The following GRID2 variants were observed in gnomAD, a reference collection of about 807,000 sequenced individuals.
GRID2 encodes glutamate ionotropic receptor delta type subunit 2.
In GRID2, 33 loss-of-function variants were observed where a neutral mutation model predicts 114.8. The observed-to-expected ratio is 0.29, with a 90% CI of 0.22 to 0.38. The LOEUF (loss-of-function observed/expected upper bound fraction) is 0.38, where lower values mean the gene tolerates loss of function less well. Among genes scored for constraint, GRID2 ranks in the 10% least tolerant of loss-of-function variants. GRID2 has a pLI of 1.00. For missense variants in GRID2, 1,184 were observed against 1,257.7 expected, an observed-to-expected ratio of 0.94 and a Z score of 0.89; for synonymous variants, 505 against 449.9, an observed-to-expected ratio of 1.12 and a Z score of -1.55.
chr4:93,220,393 A>G (rs1744735995), intron 6 of GRID2, among the ~76,000 whole-genome samples: 1 of 152,160 alleles, frequency 6.6e-6, no homozygotes, highest in Non-Finnish European at 1.5e-5. Context: ...CATTTTCACC[A>G]AAGGGTTCCT....
chr4:93,311,677 G>A (rs901939784), intron 8 of GRID2, among the ~76,000 whole-genome samples: 3 of 152,146 alleles, frequency 2.0e-5, no homozygotes, highest in Non-Finnish European at 2.9e-5. Context: ...GTTGGCAGAC[G>A]AGCATTCAGT....
intron 9 of GRID2, among the ~76,000 whole-genome samples, chr4:93,412,086 A>G (rs563186522): frequency 5.9e-5 from 9 of 151,992 alleles, no homozygotes; most frequent in African/African-American, 1.9e-4. Context: ...TGACAGCCCA[A>G]TGTGCTGTGC....
chr4:92,794,871 GTT>G (rs1276614385), intron 2 of GRID2, among the ~76,000 whole-genome samples: 37 of 69,770 alleles, frequency 5.3e-4, no homozygotes, highest in South Asian at 1.4e-3. Flanking sequence ...ATAAATAATT[GTT>G]TTATATATAT....
chr4:93,512,933 A>G (rs1309762586), intron 12 of GRID2, among the ~76,000 whole-genome samples: 1 of 152,160 alleles, frequency 6.6e-6, no homozygotes, highest in Non-Finnish European at 1.5e-5. Flanking sequence ...GCACTAATTT[A>G]TTTAGCAGCA....
rs541724969 is a variant in GRID2, at chr4:93,728,398, A to T, written c.2361-40812A>T. On this transcript the variant is annotated intron_variant, in intron 14 of 15. Coordinates refer to ENST00000282020, the MANE Select transcript of GRID2 (RefSeq NM_001510.4). ...TTTTATATTTGCTGAGGAGTGCTTT[A>T]CTTCCAACTATGTGGTCAATTTTGG... Among the ~76,000 whole-genome samples, 11 of 152,246 alleles carry T rather than the reference A, an allele frequency of 7.2e-5. No homozygotes were observed. In the South Asian group the frequency reaches 1.9e-3, roughly 26 times the overall value.
intron 2 of GRID2, among the ~76,000 whole-genome samples, chr4:92,591,789 A>G (rs1728716664): frequency 6.6e-6 from 1 of 152,136 alleles, no homozygotes; most frequent in Non-Finnish European, 1.5e-5. Context: ...GGAGTAAAAA[A>G]TCATTATTTT....
chr4:92,391,853 ACT>A (rs1730253548), intron 1 of GRID2, among the ~76,000 whole-genome samples: 2 of 151,944 alleles, frequency 1.3e-5, no homozygotes, highest in South Asian at 4.1e-4. Context: ...AGACTAGCTC[ACT>A]CTCTCCCATT....
intron 8 of GRID2, among the ~76,000 whole-genome samples, chr4:93,328,985 A>C (rs961029795): frequency 7.9e-5 from 12 of 152,184 alleles, no homozygotes; most frequent in African/African-American, 2.9e-4. Context: ...CTGCAGTTTT[A>C]GTACCTACTA....
At chr4:93,003,832 A>T (rs1721244107) in intron 2 of GRID2, among the ~76,000 whole-genome samples, 1 of 152,006 alleles carries the variant, frequency 6.6e-6, no homozygotes, top group South Asian at 2.1e-4. Flanking sequence ...ATCTTCAGCA[A>T]CTAGTGGGCC....
At chr4:93,009,776 C>T (rs1300689488) in intron 2 of GRID2, among the ~76,000 whole-genome samples, 3 of 152,054 alleles carry the variant, frequency 2.0e-5, no homozygotes, top group Admixed American at 2.0e-4. Context: ...GCATTCTACT[C>T]TCTCTTCTAA....
intron 2 of GRID2, among the ~76,000 whole-genome samples, chr4:92,730,093 A>G (rs1736260829): frequency 6.6e-6 from 1 of 151,992 alleles, no homozygotes; most frequent in Non-Finnish European, 1.5e-5. Context: ...TTTAAGACAA[A>G]ATAATTATAT....
At chr4:93,752,145 A>T (rs554228745) in intron 14 of GRID2, among the ~76,000 whole-genome samples, 100 of 152,252 alleles carry the variant, frequency 6.6e-4, no homozygotes, top group Non-Finnish European at 1.1e-3. Context: ...CTTTATAATG[A>T]TTATAACAAT....
chr4:92,986,215 T>C (rs1378520901), intron 2 of GRID2, among the ~76,000 whole-genome samples: 1 of 152,170 alleles, frequency 6.6e-6, no homozygotes, highest in South Asian at 2.1e-4. Context: ...TGAAGAAGGA[T>C]GGACTATATT....
chr4:92,573,261 A>AT (rs1195325266), intron 1 of GRID2, among the ~76,000 whole-genome samples: 1 of 151,910 alleles, frequency 6.6e-6, no homozygotes, highest in Non-Finnish European at 1.5e-5. Flanking sequence ...TTTTTCAAAA[A>AT]AACAGCTTCT....
chr4:93,493,843 T>A (rs986552681), intron 12 of GRID2, among the ~76,000 whole-genome samples: 8 of 151,814 alleles, frequency 5.3e-5, no homozygotes, highest in Non-Finnish European at 1.2e-4. Context: ...TTCATTTTTT[T>A]AAAAAATCAT....
intron 1 of GRID2, among the ~76,000 whole-genome samples, chr4:92,398,212 G>GGT (rs201092847): frequency 0.011 from 1,710 of 152,134 alleles, 23 homozygotes; most frequent in Admixed American, 0.017. Context: ...TGAAAGTATC[G>GGT]TCAAGATATA....
At chr4:93,620,039 T>C (rs1458275341) in intron 13 of GRID2, among the ~76,000 whole-genome samples, 1 of 152,184 alleles carries the variant, frequency 6.6e-6, no homozygotes, top group East Asian at 1.9e-4. Flanking sequence ...CCGCAAATCA[T>C]TGGTATGACT....
At chr4:92,385,219 T>C (rs1169779111) in intron 1 of GRID2, among the ~76,000 whole-genome samples, 1 of 151,804 alleles carries the variant, frequency 6.6e-6, no homozygotes, top group Non-Finnish European at 1.5e-5. Flanking sequence ...TAATATAATT[T>C]AGATATAATT....
At chr4:92,890,366 A>G (rs1746679105) in intron 2 of GRID2, among the ~76,000 whole-genome samples, 2 of 152,214 alleles carry the variant, frequency 1.3e-5, no homozygotes, top group South Asian at 4.1e-4. Flanking sequence ...CAATCTATCC[A>G]TCTGACAAAA....
Sources: allele counts gnomAD v4.1 joint callset (sites outside exome capture counted in the v4.1 genomes callset), GRCh38; gene constraint gnomAD v4.1.1; transcripts MANE v1.5; gene names NCBI Gene and HGNC (gene_info 2026-07-23, HGNC 2026-07-21).